Variants in ARHGEF16 observed in about 807,000 individuals in gnomAD.
The protein encoded by ARHGEF16 is Rho guanine nucleotide exchange factor 16, also known as Rho guanine exchange factor (GEF) 16.
ARHGEF16 carries 59 observed loss-of-function variants against 74.1 expected under a neutral mutation model. The observed-to-expected ratio is 0.80, with a 90% CI of 0.65 to 0.99. ARHGEF16 has a LOEUF of 0.99. Among genes scored for constraint, ARHGEF16 ranks in the 50% least tolerant of loss-of-function variants. The pLI is 0.00. For missense variants in ARHGEF16, 948 were observed against 986.6 expected, an observed-to-expected ratio of 0.96 and a Z score of 0.52; for synonymous variants, 415 against 412.6, an observed-to-expected ratio of 1.01 and a Z score of -0.07.
At chr1:3,467,642 C>G (rs1639585695) in intron 4 of ARHGEF16, among the ~76,000 whole-genome samples, 1 of 152,194 alleles carries the variant, frequency 6.6e-6, no homozygotes, top group Non-Finnish European at 1.5e-5. Context: ...GCCCCCGCCC[C>G]AGGAGAGGGC....
At chr1:3,473,033 G>C in intron 6 of ARHGEF16, 45 bp from the exon 7 acceptor site, 1 of 1,594,728 alleles carries the variant, frequency 6.3e-7, no homozygotes, top group African/African-American at 1.3e-5. Context: ...CGTGGGGCCC[G>C]ACCACCAGGC....
chr1:3,466,058 G>C, intron 2 of ARHGEF16, 90 bp from the exon 3 acceptor site: 1 of 1,416,882 alleles, frequency 7.1e-7, no homozygotes, highest in Non-Finnish European at 9.6e-7. Flanking sequence ...ATGTGGAGCC[G>C]AGAGGTCTCT....
intron 3 of ARHGEF16, among the ~76,000 whole-genome samples, chr1:3,466,686 T>A (rs916436523): frequency 3.3e-5 from 5 of 152,168 alleles, no homozygotes; most frequent in African/African-American, 4.8e-5. Flanking sequence ...GCCTGCTACC[T>A]GGGTCCAAAT....
intron 2 of ARHGEF16, among the ~76,000 whole-genome samples, chr1:3,465,345 G>A (rs1002756519): frequency 2.6e-5 from 4 of 152,208 alleles, no homozygotes; most frequent in African/African-American, 9.6e-5. Context: ...TCGGGTCAGG[G>A]TAGGGTCCCG....
chr1:3,457,190 G>A (rs904134558), intron 1 of ARHGEF16, among the ~76,000 whole-genome samples: 1 of 152,354 alleles, frequency 6.6e-6, no homozygotes, highest in Middle Eastern at 3.4e-3. Flanking sequence ...TCCTCCCCCC[G>A]ATTATGTGAC....
intron 3 of ARHGEF16, 141 bp from the exon 4 acceptor site, chr1:3,467,027 G>A: frequency 1.2e-6 from 1 of 859,504 alleles, no homozygotes; most frequent in Non-Finnish European, 1.7e-6. Context: ...TGCCCAGCCT[G>A]GGGCAGTCCC....
chr1:3,464,567 G>A (rs1639490678), intron 2 of ARHGEF16, among the ~76,000 whole-genome samples: 1 of 152,198 alleles, frequency 6.6e-6, no homozygotes, highest in Non-Finnish European at 1.5e-5. Flanking sequence ...AGAATGCAGA[G>A]CAGATGCAGG....
chr1:3,455,743 C>T (rs907552208), intron 1 of ARHGEF16, among the ~76,000 whole-genome samples: 3 of 152,148 alleles, frequency 2.0e-5, no homozygotes, highest in African/African-American at 2.4e-5. Flanking sequence ...CAGGTCCTGA[C>T]CCCTCCGTGG....
Position 3,460,770 on chromosome 1 carries a change from C to T in ARHGEF16, c.-19-2296C>T, listed in dbSNP as rs374217889. Among the ~76,000 whole-genome samples the T allele has an allele frequency of 3.4e-4, 52 of 152,226 alleles. 1 individual carries two copies. The South Asian group carries it at 8.7e-3, about 25-fold the overall frequency. On this transcript the variant is annotated intron_variant, in intron 1 of 14. Coordinates refer to ENST00000378378, the MANE Select transcript of ARHGEF16 (RefSeq NM_014448.4). Reference sequence around the variant, plus strand: ...CCCGGGGGAGGCCTGTTGTGTCTGCCGCTGTCCTTGACCAGTGATTTGGAA... The same window carrying T: ...CCCGGGGGAGGCCTGTTGTGTCTGCTGCTGTCCTTGACCAGTGATTTGGAA...
chr1:3,480,378 T>A (rs1553186185), intron 14 of ARHGEF16, 70 bp from the exon 15 acceptor site: 22 of 1,589,500 alleles, frequency 1.4e-5, no homozygotes, highest in Non-Finnish European at 3.4e-6. Context: ...TGCTCAGGCA[T>A]AGCAGCTCAG....
chr1:3,459,393 A>G (rs543621547), intron 1 of ARHGEF16, among the ~76,000 whole-genome samples: 3 of 152,232 alleles, frequency 2.0e-5, no homozygotes, highest in East Asian at 1.9e-4. Context: ...AACCATCTAC[A>G]GTGGGAATGC....
intron 2 of ARHGEF16, 107 bp from the exon 3 acceptor site, chr1:3,466,041 G>A: frequency 7.9e-7 from 1 of 1,263,644 alleles, no homozygotes; most frequent in Non-Finnish European, 1.1e-6. Flanking sequence ...ATTGGGCACA[G>A]CTTCGCATGT....
intron 10 of ARHGEF16, 126 bp downstream of exon 10, chr1:3,476,188 T>A: frequency 2.1e-6 from 2 of 970,192 alleles, no homozygotes. Flanking sequence ...TCATGAGGCC[T>A]GGGGGCTGGG....
At chr1:3,470,143 G>T (rs1415815700) in intron 6 of ARHGEF16, among the ~76,000 whole-genome samples, 1 of 151,908 alleles carries the variant, frequency 6.6e-6, no homozygotes, top group East Asian at 1.9e-4. Flanking sequence ...TGGGGTGTCT[G>T]TGCATGGCTG....
chr1:3,462,915 G>A (rs1248193498), intron 1 of ARHGEF16, among the ~76,000 whole-genome samples, 151 bp from the exon 2 acceptor site: 1 of 152,172 alleles, frequency 6.6e-6, no homozygotes, highest in Non-Finnish European at 1.5e-5. Context: ...CTGATCCACT[G>A]TGCTCCTGGC....
At chr1:3,464,454 G>A (rs1393274796) in intron 2 of ARHGEF16, among the ~76,000 whole-genome samples, 1 of 152,188 alleles carries the variant, frequency 6.6e-6, no homozygotes, top group South Asian at 2.1e-4. Flanking sequence ...ACCCTGCTTG[G>A]TCTCTTTAGC....
At chr1:3,461,328 C>T (rs146968203) in intron 1 of ARHGEF16, among the ~76,000 whole-genome samples, 10 of 152,378 alleles carry the variant, frequency 6.6e-5, no homozygotes, top group Admixed American at 2.0e-4. Flanking sequence ...GGCCTCACAC[C>T]GGCCAGGCCT....
intron 4 of ARHGEF16, 82 bp downstream of exon 4, chr1:3,467,419 GGCGGCT>G (rs1231203123): frequency 1.4e-6 from 2 of 1,436,948 alleles, no homozygotes; most frequent in Non-Finnish European, 1.8e-6. Flanking sequence ...CCCAAGCCCA[GGCGGCT>G]GGTCCCCAGC....
intron 4 of ARHGEF16, among the ~76,000 whole-genome samples, chr1:3,467,564 C>T (rs957356184): frequency 1.3e-5 from 2 of 152,216 alleles, no homozygotes; most frequent in African/African-American, 4.8e-5. Flanking sequence ...TGCCGTCGTG[C>T]GTGCGAGGGC....
Sources: allele counts gnomAD v4.1 joint callset (sites outside exome capture counted in the v4.1 genomes callset), GRCh38; gene constraint gnomAD v4.1.1; transcripts MANE v1.5; gene names NCBI Gene and HGNC (gene_info 2026-07-23, HGNC 2026-07-21).